The following CRBN variants were observed in gnomAD, a reference collection of about 807,000 sequenced individuals.
The protein encoded by CRBN is protein cereblon.
Under a neutral mutation model 62.2 loss-of-function variants are expected in CRBN, and 53 were observed. The observed-to-expected ratio is 0.85, with a 90% confidence interval of 0.68 to 1.07. CRBN has a LOEUF of 1.07. Among genes scored for constraint, CRBN ranks in the 50% least tolerant of loss-of-function variants. CRBN has a pLI of 0.00. For synonymous variants in CRBN, 208 were observed against 176.1 expected (o/e 1.18, Z -1.43); for missense variants, 616 against 531.1 (o/e 1.16, Z -1.57).
chr3:3,167,587 C>A lies in CRBN; in HGVS notation c.687+47G>T, dbSNP rs201046906. The A allele has an allele frequency of 5.4e-5, 84 of 1,568,276 alleles. No homozygotes were observed. The African/African-American group carries it at 9.2e-4, about 17-fold the overall frequency. ...TTCTTTCTTAAAACAGGAAAAAAAA[C>A]AACCTGTCTTCATTTTTTGAAGATG... On this transcript the variant is annotated intron_variant, in intron 5 of 10. Coordinates refer to ENST00000231948, the MANE Select transcript of CRBN (RefSeq NM_016302.4).
intron 4 of CRBN, 66 bp downstream of exon 4, chr3:3,172,710 A>G (rs1223630789): frequency 1.4e-5 from 22 of 1,518,636 alleles, no homozygotes; most frequent in Non-Finnish European, 2.0e-5. Flanking sequence ...TAGAACAGAA[A>G]AAGTACAAGA....
At chr3:3,172,139 A>G (rs1451852810) in intron 4 of CRBN, 2 of 152,370 alleles carry the variant, frequency 1.3e-5, no homozygotes. Context: ...CTGCTGAAAC[A>G]GTATACTCAG....
intron 5 of CRBN, among the ~76,000 whole-genome samples, chr3:3,166,912 C>T (rs560347176): frequency 1.3e-5 from 2 of 150,834 alleles, no homozygotes; most frequent in African/African-American, 4.9e-5. Context: ...TTTAAGGTTA[C>T]AGTGGAAACT....
Position 3,150,449 on chromosome 3 carries a change from G to T in CRBN, c.*416C>A, listed in dbSNP as rs1481107335. Reference sequence around the variant, plus strand: ...CTAGCTTTTGTTATTTAGAGCACTGGTACAGATACGCTGTCCCATACATCA... The same window carrying T: ...CTAGCTTTTGTTATTTAGAGCACTGTTACAGATACGCTGTCCCATACATCA... On this transcript the variant is annotated 3_prime_UTR_variant, in exon 11 of 11. Coordinates refer to ENST00000231948, the MANE Select transcript of CRBN (RefSeq NM_016302.4). The T allele has an allele frequency of 1.7e-5, 3 of 180,146 alleles. No homozygotes were observed. Among genetic ancestry groups the T allele is most frequent in the Non-Finnish European group, 3.5e-5 (3 of 84,764 alleles). 11.2% of individuals were successfully genotyped at this position (180,146 alleles called of 1,614,324 possible). A position where few individuals can be genotyped will look rare whatever the true frequency, so the allele number is the denominator to read the frequency against.
At chr3:3,160,974 C>G (rs1357194481) in intron 5 of CRBN, among the ~76,000 whole-genome samples, 1 of 152,172 alleles carries the variant, frequency 6.6e-6, no homozygotes, top group Non-Finnish European at 1.5e-5. Flanking sequence ...TCAGGATCAA[C>G]TGCACAAGGA....
intron 4 of CRBN, among the ~76,000 whole-genome samples, chr3:3,171,550 T>C (rs1379456257): frequency 6.6e-6 from 1 of 152,144 alleles, no homozygotes; most frequent in East Asian, 1.9e-4. Context: ...GGTAAGGCTA[T>C]CAAAGTTTGC....
chr3:3,170,358 T>G (rs1182272944), intron 4 of CRBN, among the ~76,000 whole-genome samples: 1 of 152,272 alleles, frequency 6.6e-6, no homozygotes, highest in Non-Finnish European at 1.5e-5. Flanking sequence ...TTTATTTTTC[T>G]ATATGCTTAT....
intron 5 of CRBN, among the ~76,000 whole-genome samples, chr3:3,159,707 T>C (rs1317180352): frequency 6.6e-6 from 1 of 152,140 alleles, no homozygotes; most frequent in Admixed American, 6.5e-5. Flanking sequence ...ATCCTTAATA[T>C]TTGTGATGTG....
At chr3:3,166,203 T>C (rs1707321714) in intron 5 of CRBN, among the ~76,000 whole-genome samples, 2 of 152,158 alleles carry the variant, frequency 1.3e-5, no homozygotes, top group Admixed American at 1.3e-4. Flanking sequence ...GACTGAATTA[T>C]GGGGGCAGGT....
intron 2 of CRBN, among the ~76,000 whole-genome samples, chr3:3,174,654 GA>G (rs1161206132): frequency 7.0e-6 from 1 of 143,366 alleles, no homozygotes; most frequent in Non-Finnish European, 1.6e-5. Context: ...CAAAAAAAAA[GA>G]AAAAAATACA....
intron 5 of CRBN, among the ~76,000 whole-genome samples, chr3:3,157,070 T>C (rs969342908): frequency 1.1e-4 from 17 of 152,268 alleles, no homozygotes; most frequent in Admixed American, 9.8e-4. Context: ...AATTTATAAG[T>C]ATAATTTAAA....
chr3:3,170,296 T>C (rs1309393465), intron 4 of CRBN, among the ~76,000 whole-genome samples: 26 of 152,246 alleles, frequency 1.7e-4, no homozygotes, highest in Non-Finnish European at 8.8e-5. Context: ...AGTGTACTTT[T>C]AATAAATGAA....
chr3:3,174,262 C>G lies in CRBN; in HGVS notation c.175-1G>C, dbSNP rs772536886. ...ATTCTTCCATATCAGCACCTAGGTA[C>G]TATATAAAAACATATATAGGTATAG... On this transcript the variant is annotated splice_acceptor_variant, in intron 2 of 10. Transcript: ENST00000231948. LOFTEE classifies it high-confidence loss of function. 6.2e-7 allele frequency: 1 copy of G among 1,607,574 alleles called. No homozygotes were observed. Among genetic ancestry groups the G allele is most frequent in the Non-Finnish European group, 8.5e-7 (1 of 1,174,114 alleles).
intron 5 of CRBN, among the ~76,000 whole-genome samples, chr3:3,165,825 G>C (rs551251685): frequency 3.9e-5 from 6 of 152,054 alleles, no homozygotes; most frequent in Admixed American, 3.9e-4. Flanking sequence ...TGAATATTCA[G>C]ATGACACATA....
chr3:3,166,699 C>A (rs1477616428), intron 5 of CRBN, among the ~76,000 whole-genome samples: 1 of 152,046 alleles, frequency 6.6e-6, no homozygotes, highest in African/African-American at 2.4e-5. Context: ...AACCCTGATG[C>A]CCATCAAGTG....
In CRBN at chr3:3,156,515, A is replaced by G. The variant is rs1342840496; in HGVS notation, c.688-234T>C. ...TCTTCATTCCTATTTAAAAAGGTCA[A>G]ACATTAAAATTTCAATGCTGAAGAC... On this transcript the variant is annotated intron_variant, in intron 5 of 10. Coordinates refer to ENST00000231948, the MANE Select transcript of CRBN (RefSeq NM_016302.4). 19 of 537,586 alleles carry G rather than the reference A, an allele frequency of 3.5e-5. No homozygotes were observed. The East Asian group carries it at 6.3e-4, about 18-fold the overall frequency. 33.3% of individuals were successfully genotyped at this position (537,586 alleles called of 1,614,324 possible).
rs1446908505 is a variant in CRBN, at chr3:3,154,033, ACAT to A, written c.875_877del (p.Asp292del). 4 of 1,613,544 alleles carry A rather than the reference ACAT, an allele frequency of 2.5e-6. No individual in the cohort carries two copies. Among genetic ancestry groups the A allele is most frequent in the South Asian group, 1.1e-5 (1 of 91,078 alleles). The stretch of plus-strand genomic sequence containing the variant: ...AATTTTAAGGAGCTGAATTCTCAAT[ACAT>A]CATCAATAGGAAGACAAGCAGCTAC... On this transcript the variant is annotated inframe_deletion, in exon 8 of 11. Coordinates refer to ENST00000231948, the MANE Select transcript of CRBN (RefSeq NM_016302.4).
intron 5 of CRBN, among the ~76,000 whole-genome samples, chr3:3,160,637 C>G (rs111906947): frequency 2.6e-5 from 4 of 152,248 alleles, no homozygotes; most frequent in South Asian, 4.1e-4. Flanking sequence ...ACTGTTCTTA[C>G]GATTATTATC....
chr3:3,153,407 CG>C lies in CRBN; in HGVS notation c.1016+16del, dbSNP rs766562089. 6 of 1,359,888 alleles carry C rather than the reference CG, an allele frequency of 4.4e-6. No homozygotes were observed. Among genetic ancestry groups the C allele is most frequent in the African/African-American group, 1.4e-5 (1 of 69,774 alleles). The allele number at this position is 1,359,888 out of a possible 1,614,324, so 84.2% of individuals were successfully genotyped here. A position where few individuals can be genotyped will look rare whatever the true frequency, so the allele number is the denominator to read the frequency against. ...TCTGATAAGGCAAGTATATTAAAAA[CG>C]TAATAAAGACCTTACCTGAATATTT... On this transcript the variant is annotated intron_variant, in intron 9 of 10. Coordinates refer to ENST00000231948, the MANE Select transcript of CRBN (RefSeq NM_016302.4).
Sources: gnomAD v4.1 joint callset for allele counts (sites outside exome capture counted in the v4.1 genomes callset) on GRCh38, gnomAD v4.1.1 for gene constraint, MANE v1.5 for transcripts, NCBI Gene and HGNC (gene_info 2026-07-23, HGNC 2026-07-21) for gene names.